VWA7: variants seen among roughly 807,000 people sequenced by gnomAD.
VWA7 encodes von Willebrand factor A domain containing 7.
In VWA7, 66 loss-of-function variants were observed where a neutral mutation model predicts 83.1. That is an observed-to-expected ratio of 0.79 (90% CI 0.65 to 0.98). The LOEUF is 0.98. Ranked by LOEUF, VWA7 falls within the 50% of genes least tolerant of loss-of-function variation. The pLI, the probability that VWA7 is intolerant of heterozygous loss-of-function variation, is 0.00. For missense variants in VWA7, 1,080 were observed against 1,160.2 expected, an observed-to-expected ratio of 0.93 and a Z score of 1.00; for synonymous variants, 424 against 488.5, an observed-to-expected ratio of 0.87 and a Z score of 1.74.
chr6:31,767,835 A>T, intron 10 of VWA7, 81 bp from the exon 11 acceptor site: 1 of 1,508,586 alleles, frequency 6.6e-7, no homozygotes, highest in Non-Finnish European at 9.0e-7. Context: ...GGAGATAGAA[A>T]GAAACCACGT....
At chr6:31,772,013 A>G (rs1167376346) in intron 7 of VWA7, among the ~76,000 whole-genome samples, 2 of 151,692 alleles carry the variant, frequency 1.3e-5, no homozygotes, top group South Asian at 2.1e-4. Flanking sequence ...AAAAAAAAAA[A>G]AAAGAAAATG....
At position 31,777,293 on chromosome 6, in the gene VWA7, G is replaced by T; in HGVS notation, c.-200C>A. ...AAGCCACAGGCAGCAGCCCACGCCA[G>T]GGCGGGCCTCCCTTGGCTGCAGTGC... On this transcript the variant is annotated 5_prime_UTR_variant, in exon 1 of 17. It adds an upstream start codon to the 5' untranslated region. Coordinates refer to ENST00000375688, the MANE Select transcript of VWA7 (RefSeq NM_025258.3). The surrounding 1 kb of genome is among the most constrained non-coding windows in gnomAD (Gnocchi z 5.8). 1.9e-6 allele frequency: 1 copy of T among 522,738 alleles called. No individual in the cohort carries two copies. The highest frequency in any genetic ancestry group is 3.4e-6 in the Non-Finnish European group (1 of 292,796). 32.4% of individuals were successfully genotyped at this position (522,738 alleles called of 1,614,324 possible).
Position 31,773,280 on chromosome 6 carries a change from G to C in VWA7, c.879C>G (p.Ser293Arg). ...TGTCTCCCAGGCGGCTTCGCAGAAG[G>C]CTGAAGGCCTGGATGGAGGCTAGAA... ...LALLASIQAF[S>R]LLRSRLGDRD... The change falls in exon 6 of 17, where the codon AGC (serine) becomes AGG (arginine). Residue 293 changes from serine to arginine, a missense_variant. Ser to Arg is a moderately radical substitution (Grantham distance 110). Transcript: ENST00000375688. This position sits in a 1 kb window ranked among gnomAD's most constrained non-coding sequence, Gnocchi z 5.3. 6.2e-7 allele frequency: 1 copy of C among 1,607,898 alleles called. No homozygotes were observed. Among genetic ancestry groups the C allele is most frequent in the Non-Finnish European group, 8.5e-7 (1 of 1,177,492 alleles).
intron 11 of VWA7, 31 bp from the exon 12 acceptor site, chr6:31,767,545 G>A: frequency 1.2e-6 from 2 of 1,600,694 alleles, no homozygotes; most frequent in South Asian, 1.1e-5. Context: ...GTCACATGAA[G>A]CACTTGCTCT....
rs751554951 is a variant in VWA7 at position 31,765,724 on chromosome 6, G to A, written c.2546C>T (p.Thr849Met). 44 of 1,594,280 alleles carry A rather than the reference G, an allele frequency of 2.8e-5. No homozygotes were observed. In the Admixed American group the frequency reaches 3.7e-4, roughly 13 times the overall value. Reference protein sequence around the residue: ...PTGSSDPILTTATPAFSPFTL... With the variant: ...PTGSSDPILTMATPAFSPFTL... ...GAAGGGGGAAAAGGCAGGGGTGGCCGTGGTGAGGATCGGGTCAGATGAGCC... is the reference window on the plus strand; with the variant it reads ...GAAGGGGGAAAAGGCAGGGGTGGCCATGGTGAGGATCGGGTCAGATGAGCC... The change falls in exon 17 of 17, where the codon ACG becomes ATG. Residue 849 changes from threonine (T) to methionine (M), a missense_variant. Physicochemically the swap from Thr to Met is moderately conservative, Grantham distance 81 (BLOSUM62 -1). Coordinates refer to ENST00000375688, the MANE Select transcript of VWA7 (RefSeq NM_025258.3).
Position 31,773,478 on chromosome 6 carries a change from C to T in VWA7, c.722-41G>A. ...GGATCTGGAGAGTGGAGGTCAAAAA[C>T]CCACTGCCTCCTAAGAAAATGAGGC... is the stretch of plus-strand genomic sequence containing the variant. On this transcript the variant is annotated intron_variant, in intron 5 of 16. Coordinates refer to ENST00000375688, the MANE Select transcript of VWA7 (RefSeq NM_025258.3). The surrounding 1 kb of genome is among the most constrained non-coding windows in gnomAD (Gnocchi z 5.3). The T allele has an allele frequency of 3.3e-6, 5 of 1,493,902 alleles. No individual in the cohort carries two copies. Among genetic ancestry groups the T allele is most frequent in the Non-Finnish European group, 3.6e-6 (4 of 1,118,502 alleles). 92.5% of individuals were successfully genotyped at this position (1,493,902 alleles called of 1,614,324 possible). A position where few individuals can be genotyped will look rare whatever the true frequency, so the allele number is the denominator to read the frequency against.
chr6:31,768,996 G>T, intron 10 of VWA7, 22 bp downstream of exon 10: 2 of 1,596,652 alleles, frequency 1.3e-6, no homozygotes, highest in Non-Finnish European at 1.7e-6. Flanking sequence ...GTTCCTAAGT[G>T]AGGGCCCTGG....
At chr6:31,767,078 T>C (rs918184404) in intron 13 of VWA7, 80 bp downstream of exon 13, 2 of 336,350 alleles carry the variant, frequency 5.9e-6, no homozygotes, top group Admixed American at 4.9e-5. Context: ...ATATATAATA[T>C]ATATATTATA....
rs1239551493 is a variant in VWA7 at position 31,774,545 on chromosome 6, T to A, written c.692A>T (p.Tyr231Phe). 1 of 1,612,738 alleles carries A rather than the reference T, an allele frequency of 6.2e-7. No homozygotes were observed. The highest frequency in any genetic ancestry group is 1.1e-5 in the South Asian group (1 of 91,052). ...WLGFTLLTSG[Y>F]FGTHPPKPPG... The stretch of plus-strand genomic sequence containing the variant: ...AGGTTTCGGGGGATGAGTTCCAAAG[T>A]AGCCAGAGGTGAGGAGTGTGAAGCC... The change falls in exon 5 of 17, where the codon TAC becomes TTC. Residue 231 changes from tyrosine to phenylalanine, a missense_variant. Coordinates refer to ENST00000375688, the MANE Select transcript of VWA7 (RefSeq NM_025258.3).
At chr6:31,770,516 T>A (rs1433214346) in intron 7 of VWA7, among the ~76,000 whole-genome samples, 2 of 144,294 alleles carry the variant, frequency 1.4e-5, no homozygotes, top group African/African-American at 5.1e-5. Context: ...GAGGCAGAGG[T>A]TGCAGTGAGC....
intron 7 of VWA7, among the ~76,000 whole-genome samples, chr6:31,770,689 G>A (rs1036386550): frequency 6.6e-6 from 1 of 151,490 alleles, no homozygotes; most frequent in East Asian, 1.9e-4. Context: ...AAAAAATGGT[G>A]GCATTTCCTG....
chr6:31,775,375 G>C lies in VWA7; in HGVS notation c.568C>G (p.His190Asp). Residue 190 changes from histidine to aspartate, a missense_variant, in exon 4 of 17, where the codon CAC becomes GAC. Transcript: ENST00000375688. The surrounding 1 kb of genome is among the most constrained non-coding windows in gnomAD (Gnocchi z 5.9). Reference protein sequence around the residue: ...VELGEQQPHPHLLWPRQELQN... With the variant: ...VELGEQQPHPDLLWPRQELQN... Reference sequence around the variant, plus strand: ...AGCTCCTGCCTTGGCCAGAGGAGGTGAGGGTGTGGCTGCTGCTCGCCCAGC... The same window carrying C: ...AGCTCCTGCCTTGGCCAGAGGAGGTCAGGGTGTGGCTGCTGCTCGCCCAGC... 6.2e-7 allele frequency: 1 copy of C among 1,612,724 alleles called. No individual in the cohort carries two copies.
chr6:31,767,588 C>T (rs781133216), intron 11 of VWA7, 34 bp downstream of exon 11: 14 of 1,600,726 alleles, frequency 8.7e-6, no homozygotes, highest in African/African-American at 6.7e-5. Context: ...GTCTATTCCC[C>T]GGTCCCCTCT....
In VWA7 at chr6:31,769,853, C is replaced by T. The variant is rs1229389156; in HGVS notation, c.1201-62G>A. 2 of 1,537,722 alleles carry T rather than the reference C, an allele frequency of 1.3e-6. No individual in the cohort carries two copies. Among genetic ancestry groups the T allele is most frequent in the Non-Finnish European group, 1.8e-6 (2 of 1,112,548 alleles). On this transcript the variant is annotated intron_variant, in intron 8 of 16. Transcript: ENST00000375688. This position sits in a 1 kb window ranked among gnomAD's most constrained non-coding sequence, Gnocchi z 4.5. The stretch of plus-strand genomic sequence containing the variant: ...AGTAGGAGGGGAATGGGTAGAGCCA[C>T]GGAGGATGAAGCAGAAGGGAATATG...
At position 31,766,415 on chromosome 6, in the gene VWA7, C is replaced by T. The variant is rs781180613; in HGVS notation, c.2185-31G>A. The T allele has an allele frequency of 1.3e-6, 2 of 1,578,122 alleles. No individual in the cohort carries two copies. The highest frequency in any genetic ancestry group is 1.1e-5 in the South Asian group (1 of 87,178). ...GAGAAGGGTTCTTCAGGGAAGGGGC[C>T]GCTCTAACTCTCTCCAGCCCCAGCC... On this transcript the variant is annotated intron_variant, in intron 14 of 16. Transcript: ENST00000375688. This position sits in a 1 kb window ranked among gnomAD's most constrained non-coding sequence, Gnocchi z 4.9.
At position 31,765,817 on chromosome 6, in the gene VWA7, CAAATT is replaced by C. The variant is rs776032591; in HGVS notation, c.2500-52_2500-48del. On this transcript the variant is annotated intron_variant, in intron 16 of 16. Coordinates refer to ENST00000375688, the MANE Select transcript of VWA7 (RefSeq NM_025258.3). ...TGACAGGGTGTGCTAGAGCTGTACTCAAATTAAACCTACACCACCCTCCCCGGCCT... is the reference window on the plus strand; with the variant it reads ...TGACAGGGTGTGCTAGAGCTGTACTCAAACCTACACCACCCTCCCCGGCCT... 56 of 1,596,348 alleles carry C rather than the reference CAAATT, an allele frequency of 3.5e-5. No individual in the cohort carries two copies. In the African/African-American group the frequency reaches 5.4e-4, roughly 15 times the overall value.
Position 31,777,139 on chromosome 6 carries a change from C to T in VWA7, c.-46G>A, listed in dbSNP as rs976626376. 8.3e-6 allele frequency: 3 copies of T among 361,598 alleles called. No homozygotes were observed. The highest frequency in any genetic ancestry group is 4.4e-5 in the East Asian group (1 of 22,506). The allele number at this position is 361,598 out of a possible 1,614,324, so 22.4% of individuals were successfully genotyped here. A position where few individuals can be genotyped will look rare whatever the true frequency, so the allele number is the denominator to read the frequency against. On this transcript the variant is annotated 5_prime_UTR_variant, in exon 1 of 17. Transcript: ENST00000375688. The surrounding 1 kb of genome is among the most constrained non-coding windows in gnomAD (Gnocchi z 5.8). ...TGCTGGGTCTCCTGGGCAGGGCTGG[C>T]CCGGGCTTGACGTCACAGGGCACTT... is the stretch of plus-strand genomic sequence containing the variant.
Position 31,767,692 on chromosome 6 carries a change from A to T in VWA7, c.1566T>A (p.Asp522Glu). ...GGACTGTGATCTTCTGGAGCAGCCC[A>T]TCCACGCTGAACACAAGTGGCTGCC... ...VPGQPLVFSVDGLLQKITVRI... is the reference protein window; with the variant it reads ...VPGQPLVFSVEGLLQKITVRI... Residue 522 changes from aspartate to glutamate, a missense_variant, in exon 11 of 17, where the codon GAT (aspartate) becomes GAA (glutamate). Coordinates refer to ENST00000375688, the MANE Select transcript of VWA7 (RefSeq NM_025258.3). 1 of 1,613,660 alleles carries T rather than the reference A, an allele frequency of 6.2e-7. No homozygotes were observed. Among genetic ancestry groups the T allele is most frequent in the Admixed American group, 1.7e-5 (1 of 60,010 alleles).
chr6:31,776,007 G>A lies in VWA7; in HGVS notation c.470C>T (p.Thr157Ile). Residue 157 changes from threonine (T) to isoleucine (I), a missense_variant, in exon 3 of 17, where the codon ACC (threonine) becomes ATC (isoleucine). Physicochemically the swap from Thr to Ile is moderately conservative, Grantham distance 89. Transcript: ENST00000375688. This position sits in a 1 kb window ranked among gnomAD's most constrained non-coding sequence, Gnocchi z 6.2. ...AGCCCCGAGGCGCTGGCGAGCCAGG[G>A]TGTGGTCAAGGGCCCTGGCTGCCAC... ...TVVAARALDH[T>I]LARQRLGAAL... The A allele has an allele frequency of 6.2e-7, 1 of 1,613,036 alleles. No individual in the cohort carries two copies. The highest frequency in any genetic ancestry group is 8.5e-7 in the Non-Finnish European group (1 of 1,179,880).
Sources: allele counts gnomAD v4.1 joint callset (sites outside exome capture counted in the v4.1 genomes callset), GRCh38; gene constraint gnomAD v4.1.1; non-coding constraint Gnocchi (gnomAD v3.1); transcripts MANE v1.5; gene names NCBI Gene and HGNC (gene_info 2026-07-23, HGNC 2026-07-21).